Variants in NXPE2 observed in about 807,000 individuals in gnomAD.
NXPE2 encodes the protein NXPE family member 2.
In NXPE2, 34 loss-of-function variants were observed where a neutral mutation model predicts 34.4. That is an observed-to-expected ratio of 0.99 (90% CI 0.75 to 1.31). NXPE2 has a LOEUF of 1.31. Ranked by LOEUF, NXPE2 falls within the 40% of genes most tolerant of loss-of-function variation. The pLI, the probability that NXPE2 is intolerant of heterozygous loss-of-function variation, is 0.00. For synonymous variants in NXPE2, 235 were observed against 231.3 expected, an observed-to-expected ratio of 1.02 and a Z score of -0.15; for missense variants, 649 against 672.5, an observed-to-expected ratio of 0.97 and a Z score of 0.39.
chr11:114,761,854 G>A, the NXPE2 span, among the ~76,000 whole-genome samples: 6 of 151,904 alleles, frequency 3.9e-5, no homozygotes, highest in African/African-American at 7.3e-5. Context: ...GATTACAGGC[G>A]TGAGCCACCG....
chr11:114,496,213 T>A, the NXPE2 span, among the ~76,000 whole-genome samples: 3 of 152,156 alleles, frequency 2.0e-5, no homozygotes. Flanking sequence ...ATGGACAACT[T>A]GCCTCTCATT....
the NXPE2 span, among the ~76,000 whole-genome samples, chr11:114,485,360 C>T: frequency 1.3e-5 from 2 of 149,114 alleles, no homozygotes; most frequent in Non-Finnish European, 1.5e-5. Flanking sequence ...AGGTGCCTAC[C>T]ATCACGCCTG....
the NXPE2 span, among the ~76,000 whole-genome samples, chr11:114,538,967 A>G: frequency 1.3e-5 from 2 of 151,786 alleles, no homozygotes. Flanking sequence ...TCATGCTGCT[A>G]TAAAGACACA....
the NXPE2 span, among the ~76,000 whole-genome samples, chr11:114,714,879 G>A: frequency 9.9e-5 from 15 of 152,130 alleles, no homozygotes; most frequent in African/African-American, 1.9e-4. Flanking sequence ...AAAATTAGCC[G>A]GGCGTGGTGG....
the NXPE2 span, among the ~76,000 whole-genome samples, chr11:114,648,218 A>G: frequency 6.6e-6 from 1 of 151,988 alleles, no homozygotes; most frequent in Non-Finnish European, 1.5e-5. Flanking sequence ...CCCCGAGATG[A>G]CCTTAAGATG....
chr11:114,783,681 G>A, the NXPE2 span, among the ~76,000 whole-genome samples: 1 of 152,176 alleles, frequency 6.6e-6, no homozygotes, highest in Admixed American at 6.5e-5. Flanking sequence ...TGTGTATAGA[G>A]GAGATGCGTA....
the NXPE2 span, among the ~76,000 whole-genome samples, chr11:114,645,943 A>T: frequency 1.2e-3 from 184 of 152,284 alleles, no homozygotes; most frequent in African/African-American, 4.3e-3. Context: ...AATTTTGGCA[A>T]CATCTAGTAA....
chr11:114,804,149 G>T, the NXPE2 span, among the ~76,000 whole-genome samples: 1 of 152,202 alleles, frequency 6.6e-6, no homozygotes, highest in Non-Finnish European at 1.5e-5. Flanking sequence ...TCAGGTTGTT[G>T]TTTAAAGGTA....
the NXPE2 span, among the ~76,000 whole-genome samples, chr11:114,633,238 CATATAAT>C: frequency 1.9e-4 from 24 of 129,688 alleles, no homozygotes; most frequent in African/African-American, 7.1e-4. Flanking sequence ...ATATATGTAA[CATATAAT>C]ATATAATATA....
chr11:114,504,295 C>G, the NXPE2 span, among the ~76,000 whole-genome samples: 7 of 152,106 alleles, frequency 4.6e-5, no homozygotes, highest in Non-Finnish European at 8.8e-5. Flanking sequence ...GTACTGAAAA[C>G]AGGGGATCCT....
the NXPE2 span, among the ~76,000 whole-genome samples, chr11:114,538,229 T>A: frequency 1.3e-5 from 2 of 152,216 alleles, no homozygotes; most frequent in African/African-American, 4.8e-5. Context: ...TAGCCATATG[T>A]AGAAAGCTGA....
the NXPE2 span, among the ~76,000 whole-genome samples, chr11:114,635,838 T>C: frequency 1.3e-5 from 2 of 152,102 alleles, no homozygotes; most frequent in Admixed American, 1.3e-4. Context: ...GTGGATAAGC[T>C]TTTTGATGTG....
chr11:114,601,378 T>A, the NXPE2 span, among the ~76,000 whole-genome samples: 2 of 145,020 alleles, frequency 1.4e-5, no homozygotes, highest in African/African-American at 5.1e-5. Flanking sequence ...TCACTTAGGA[T>A]AATACCCTCC....
the NXPE2 span, among the ~76,000 whole-genome samples, chr11:114,481,992 G>C: frequency 0.016 from 2,372 of 152,048 alleles, 44 homozygotes; most frequent in African/African-American, 0.051. Context: ...GTACCATTAA[G>C]AATAGCCATA....
chr11:114,677,029 A>G (rs571138581), upstream of NXPE2, among the ~76,000 whole-genome samples: 1 of 152,206 alleles, frequency 6.6e-6, no homozygotes, highest in Non-Finnish European at 1.5e-5. Flanking sequence ...CGGAAAGATA[A>G]CTATTGCATT....
At chr11:114,692,716 A>T (rs1951176550) in intron 2 of NXPE2, among the ~76,000 whole-genome samples, 3 of 152,054 alleles carry the variant, frequency 2.0e-5, no homozygotes, top group African/African-American at 7.3e-5. Context: ...CTTACTTCTG[A>T]TGTTTCCTGT....
At chr11:114,522,374 A>G in the NXPE2 span, 1 of 1,614,174 alleles carries the variant, frequency 6.2e-7, no homozygotes, top group Non-Finnish European at 8.5e-7. Flanking sequence ...ATGATCTATC[A>G]GAGAGTAGAG....
the NXPE2 span, among the ~76,000 whole-genome samples, chr11:114,617,710 T>C: frequency 2.6e-5 from 4 of 152,306 alleles, no homozygotes; most frequent in African/African-American, 9.6e-5. Context: ...GGGTAACCAC[T>C]GTTACCCAAT....
chr11:114,656,568 A>G, the NXPE2 span, among the ~76,000 whole-genome samples: 2 of 152,072 alleles, frequency 1.3e-5, no homozygotes, highest in Admixed American at 1.3e-4. Flanking sequence ...AGATGTTGTG[A>G]TAAGTTAATT....
Sources: allele counts gnomAD v4.1 joint callset (sites outside exome capture counted in the v4.1 genomes callset), GRCh38; gene constraint gnomAD v4.1.1; transcripts MANE v1.5; gene names NCBI Gene and HGNC (gene_info 2026-07-23, HGNC 2026-07-21).